The following SPON1 variants were observed in gnomAD, a reference collection of about 807,000 sequenced individuals.
SPON1 encodes spondin-1.
A neutral mutation model predicts 111.7 loss-of-function variants in SPON1; 52 were observed. The observed-to-expected ratio is 0.47, with a 90% CI of 0.37 to 0.59. The LOEUF is 0.59. Ranked by LOEUF, SPON1 falls within the 20% of genes least tolerant of loss-of-function variation. The pLI is 0.00. For synonymous variants in SPON1, 410 were observed against 395.8 expected, an observed-to-expected ratio of 1.04 and a Z score of -0.43; for missense variants, 957 against 1,068.5, an observed-to-expected ratio of 0.90 and a Z score of 1.46.
intron 6 of SPON1, among the ~76,000 whole-genome samples, chr11:14,172,314 C>A (rs1252472613): frequency 6.6e-6 from 1 of 151,798 alleles, no homozygotes; most frequent in African/African-American, 2.4e-5. Context: ...AGGGTTGCAA[C>A]CCCTGCCTTT....
chr11:14,203,134 A>G (rs1554935827), intron 6 of SPON1, among the ~76,000 whole-genome samples: 1 of 152,230 alleles, frequency 6.6e-6, no homozygotes, highest in African/African-American at 2.4e-5. Flanking sequence ...TGTATTTCAA[A>G]ATCAAAAGCC....
chr11:13,986,379 A>C (rs1848184812), intron 2 of SPON1, among the ~76,000 whole-genome samples: 1 of 152,204 alleles, frequency 6.6e-6, no homozygotes, highest in Non-Finnish European at 1.5e-5. Flanking sequence ...TCATTCATTG[A>C]TACATAATAT....
At chr11:14,223,792 T>G (rs1292279310) in intron 6 of SPON1, among the ~76,000 whole-genome samples, 2 of 152,216 alleles carry the variant, frequency 1.3e-5, no homozygotes, top group African/African-American at 4.8e-5. Context: ...CAAAGCTAGG[T>G]GCCCTGCCAC....
chr11:14,262,565 T>C, intron 14 of SPON1, 147 bp from the exon 15 acceptor site: 1 of 1,093,672 alleles, frequency 9.1e-7, no homozygotes, highest in Non-Finnish European at 1.3e-6. Context: ...CCTGCCTCTT[T>C]GGAGCCTCAG....
At chr11:14,110,234 A>G (rs1202829266) in intron 5 of SPON1, among the ~76,000 whole-genome samples, 1 of 152,182 alleles carries the variant, frequency 6.6e-6, no homozygotes, top group Non-Finnish European at 1.5e-5. Flanking sequence ...TTGAGGATCT[A>G]ATACCATCAG....
chr11:14,111,222 T>C (rs549950993), intron 5 of SPON1, among the ~76,000 whole-genome samples: 107 of 152,312 alleles, frequency 7.0e-4, no homozygotes, highest in Non-Finnish European at 1.2e-3. Flanking sequence ...AGATACCACA[T>C]ATATTAGAAA....
intron 6 of SPON1, among the ~76,000 whole-genome samples, chr11:14,211,693 G>A (rs1848578688): frequency 6.6e-6 from 1 of 152,174 alleles, no homozygotes. Context: ...AATGTATATA[G>A]TAATGTAGTA....
At chr11:13,995,742 G>A (rs1848267082) in intron 2 of SPON1, among the ~76,000 whole-genome samples, 1 of 152,188 alleles carries the variant, frequency 6.6e-6, no homozygotes. Flanking sequence ...GTGGATCACA[G>A]ATAGGTTGAA....
At chr11:14,253,628 C>T (rs1418313151) in intron 7 of SPON1, among the ~76,000 whole-genome samples, 1 of 152,222 alleles carries the variant, frequency 6.6e-6, no homozygotes, top group Admixed American at 6.5e-5. Flanking sequence ...CAGCTGCCAG[C>T]TGGACTGAAC....
intron 2 of SPON1, among the ~76,000 whole-genome samples, chr11:14,036,325 G>T (rs1386989030): frequency 1.3e-5 from 2 of 152,216 alleles, no homozygotes; most frequent in Non-Finnish European, 2.9e-5. Flanking sequence ...GAGAAGAAAT[G>T]ATGTAGCTTA....
At chr11:14,001,232 A>T (rs1848315095) in intron 2 of SPON1, among the ~76,000 whole-genome samples, 1 of 152,166 alleles carries the variant, frequency 6.6e-6, no homozygotes, top group East Asian at 1.9e-4. Flanking sequence ...CTACAGGCTG[A>T]GTGTAGACTG....
chr11:14,060,390 G>GT (rs1848782622), intron 3 of SPON1, among the ~76,000 whole-genome samples: 1 of 152,232 alleles, frequency 6.6e-6, no homozygotes, highest in African/African-American at 2.4e-5. Context: ...GCCCAGTGGA[G>GT]AAGGGTATGG....
intron 3 of SPON1, among the ~76,000 whole-genome samples, chr11:14,041,885 G>C (rs1028264167): frequency 1.3e-5 from 2 of 152,046 alleles, no homozygotes; most frequent in East Asian, 3.8e-4. Context: ...TGGCCACCCT[G>C]TCCTACCAGA....
At chr11:14,052,616 C>T (rs1229565575) in intron 3 of SPON1, among the ~76,000 whole-genome samples, 3 of 152,182 alleles carry the variant, frequency 2.0e-5, no homozygotes, top group Non-Finnish European at 4.4e-5. Flanking sequence ...AGACCAATGC[C>T]ATGGCTAAAT....
At chr11:14,043,490 T>C (rs1387754555) in intron 3 of SPON1, among the ~76,000 whole-genome samples, 3 of 152,230 alleles carry the variant, frequency 2.0e-5, no homozygotes, top group African/African-American at 7.2e-5. Context: ...CAGAGTACTA[T>C]GGTCACTGTG....
chr11:14,155,493 T>C (rs1025683705), intron 6 of SPON1, among the ~76,000 whole-genome samples: 12 of 126,116 alleles, frequency 9.5e-5, no homozygotes, highest in African/African-American at 3.4e-4. Flanking sequence ...TATTTTTTTA[T>C]TTATTTTTAT....
At chr11:14,190,709 C>T (rs1374299106) in intron 6 of SPON1, among the ~76,000 whole-genome samples, 4 of 149,432 alleles carry the variant, frequency 2.7e-5, no homozygotes, top group Non-Finnish European at 4.4e-5. Context: ...GGCATGATCT[C>T]GGCTCACTGC....
At chr11:14,261,702 G>A (rs782296619) in intron 14 of SPON1, among the ~76,000 whole-genome samples, 3 of 152,182 alleles carry the variant, frequency 2.0e-5, no homozygotes, top group Non-Finnish European at 4.4e-5. Context: ...ATTGGCCCAT[G>A]GTTCAGGCCA....
chr11:14,037,657 A>G (rs1211532265), intron 2 of SPON1, among the ~76,000 whole-genome samples: 1 of 152,230 alleles, frequency 6.6e-6, no homozygotes, highest in Non-Finnish European at 1.5e-5. Flanking sequence ...GAAAACCTAG[A>G]TGACATTGGA....
Sources: allele counts gnomAD v4.1 joint callset (sites outside exome capture counted in the v4.1 genomes callset), GRCh38; gene constraint gnomAD v4.1.1; transcripts MANE v1.5; gene names NCBI Gene and HGNC (gene_info 2026-07-23, HGNC 2026-07-21).